Variants in ZFHX3 observed in about 807,000 individuals in gnomAD.
ZFHX3 encodes zinc finger homeobox 3.
Under a neutral mutation model 279.1 loss-of-function variants are expected in ZFHX3, and 42 were observed. That is an observed-to-expected ratio of 0.15 (90% CI 0.12 to 0.19). ZFHX3 has a LOEUF of 0.19. Ranked by LOEUF, ZFHX3 falls within the 10% of genes least tolerant of loss-of-function variation. The pLI is 1.00. For missense variants in ZFHX3, 4,981 were observed against 4,754.0 expected (o/e 1.05, Z -1.40); for synonymous variants, 2,293 against 1,957.8 (o/e 1.17, Z -4.52).
Position 72,958,726 on chromosome 16 carries a change from C to CTT in ZFHX3, c.1419_1420insAA (p.Glu474LysfsTer63). ...TCCTCCTCCTCTTCTTCCTCCTCCT[C>CTT]CTCCGCCTCTTCCTCCTCCTCTTCC... On this transcript the variant is annotated frameshift_variant, in exon 2 of 10. Transcript: ENST00000268489. LOFTEE classifies it high-confidence loss of function. The CTT allele has an allele frequency of 6.2e-7, 1 of 1,613,156 alleles. No homozygotes were observed. Among genetic ancestry groups the CTT allele is most frequent in the Non-Finnish European group, 8.5e-7 (1 of 1,179,402 alleles).
intron 3 of ZFHX3, among the ~76,000 whole-genome samples, chr16:73,347,053 AGGT>A (rs1259863312): frequency 6.6e-6 from 1 of 152,232 alleles, no homozygotes; most frequent in Non-Finnish European, 1.5e-5. Context: ...TGGAACTGCT[AGGT>A]GCCTGAACCC....
At chr16:73,391,973 GGCTAAA>G (rs2017022274) in intron 3 of ZFHX3, among the ~76,000 whole-genome samples, 1 of 152,144 alleles carries the variant, frequency 6.6e-6, no homozygotes, top group Non-Finnish European at 1.5e-5. Flanking sequence ...GGCTCAGCTA[GGCTAAA>G]TATTGATCTG....
At chr16:72,978,801 A>G (rs1962466263) in intron 1 of ZFHX3, among the ~76,000 whole-genome samples, 1 of 152,188 alleles carries the variant, frequency 6.6e-6, no homozygotes, top group African/African-American at 2.4e-5. Context: ...GCCACTATAC[A>G]ACAGTTGTAA....
intron 6 of ZFHX3, among the ~76,000 whole-genome samples, chr16:73,142,157 T>C (rs969641046): frequency 6.6e-6 from 1 of 152,190 alleles, no homozygotes; most frequent in Non-Finnish European, 1.5e-5. Context: ...CTCTGTTTCC[T>C]CTTAACCAGC....
intron 1 of ZFHX3, among the ~76,000 whole-genome samples, chr16:73,793,428 T>A (rs534289447): frequency 6.6e-6 from 1 of 152,266 alleles, no homozygotes; most frequent in Non-Finnish European, 1.5e-5. Flanking sequence ...AACATCATCA[T>A]TTCCAGGCTT....
At chr16:73,699,436 G>C (rs1037182768) in intron 1 of ZFHX3, among the ~76,000 whole-genome samples, 2 of 152,148 alleles carry the variant, frequency 1.3e-5, no homozygotes, top group South Asian at 4.1e-4. Flanking sequence ...CCAGTGGTGT[G>C]TGTTTCTCTA....
At chr16:73,230,084 T>G (rs554899162) in intron 5 of ZFHX3, among the ~76,000 whole-genome samples, 1 of 152,304 alleles carries the variant, frequency 6.6e-6, no homozygotes, top group Non-Finnish European at 1.5e-5. Context: ...TAGAAAGATA[T>G]TCATAGATCA....
chr16:73,338,477 G>A (rs1473566389), intron 3 of ZFHX3, among the ~76,000 whole-genome samples: 4 of 151,972 alleles, frequency 2.6e-5, no homozygotes, highest in Non-Finnish European at 5.9e-5. Flanking sequence ...CTGCAGCTTG[G>A]TTCAGCCACA....
intron 1 of ZFHX3, among the ~76,000 whole-genome samples, chr16:72,999,535 T>C (rs1260871304): frequency 6.6e-6 from 1 of 152,094 alleles, no homozygotes; most frequent in African/African-American, 2.4e-5. Flanking sequence ...AAGAAAAATG[T>C]CCACAGGGCA....
chr16:73,706,263 C>A (rs893486121), intron 1 of ZFHX3, among the ~76,000 whole-genome samples: 1 of 152,012 alleles, frequency 6.6e-6, no homozygotes, highest in East Asian at 1.9e-4. Context: ...GAGTTTGAGA[C>A]CAACCTGGCC....
intron 3 of ZFHX3, among the ~76,000 whole-genome samples, chr16:73,417,059 G>A (rs2017602974): frequency 6.6e-6 from 1 of 151,922 alleles, no homozygotes; most frequent in Admixed American, 6.6e-5. Context: ...CACGCACCCC[G>A]CATATAATAC....
intron 3 of ZFHX3, among the ~76,000 whole-genome samples, chr16:73,352,979 A>G (rs1567458529): frequency 6.6e-6 from 1 of 152,034 alleles, no homozygotes; most frequent in East Asian, 1.9e-4. Flanking sequence ...AGGGGTAGAG[A>G]GTTGCTGATG....
chr16:73,468,057 T>G (rs925218721), intron 2 of ZFHX3, among the ~76,000 whole-genome samples: 3 of 152,182 alleles, frequency 2.0e-5, no homozygotes, highest in Non-Finnish European at 4.4e-5. Context: ...GGTGCATCAG[T>G]TGGGATTAGA....
chr16:73,305,016 A>G lies in ZFHX3; in HGVS notation c.-1194+13224T>C, dbSNP rs115768534. Among the ~76,000 whole-genome samples, 1,157 of 152,270 alleles carry G rather than the reference A, an allele frequency of 7.6e-3. 14 individuals carry two copies. The highest frequency in any genetic ancestry group is 0.027 in the African/African-American group (1,110 of 41,540). Reference sequence around the variant, plus strand: ...AGCATTTCCCTGCACTTACTGTCAGATCTCTTTACCCCCTTGCCCCAGCAG... The same window carrying G: ...AGCATTTCCCTGCACTTACTGTCAGGTCTCTTTACCCCCTTGCCCCAGCAG... On this transcript the variant is annotated intron_variant, in intron 4 of 17. Coordinates refer to the ZFHX3 transcript ENST00000641206.
chr16:73,003,967 T>A, intron 1 of ZFHX3, among the ~76,000 whole-genome samples: 1 of 150,912 alleles, frequency 6.6e-6, no homozygotes, highest in Non-Finnish European at 1.5e-5. Flanking sequence ...TTCCACTTAG[T>A]TCAAAAAAAC....
At chr16:72,965,111 TCAGG>T (rs1246762392) in intron 1 of ZFHX3, among the ~76,000 whole-genome samples, 1 of 152,218 alleles carries the variant, frequency 6.6e-6, no homozygotes. Flanking sequence ...ACTCCTGAGC[TCAGG>T]CAATCTGCCC....
chr16:73,748,169 A>G (rs2053721278), intron 1 of ZFHX3, among the ~76,000 whole-genome samples: 1 of 152,232 alleles, frequency 6.6e-6, no homozygotes, highest in Non-Finnish European at 1.5e-5. Flanking sequence ...TGAAATGGAA[A>G]AAGATGAAAA....
chr16:73,036,877 G>A (rs948907446), intron 1 of ZFHX3, among the ~76,000 whole-genome samples: 11 of 152,132 alleles, frequency 7.2e-5, no homozygotes, highest in African/African-American at 2.2e-4. Flanking sequence ...GAGGTGAAGC[G>A]AAGAGTCTGA....
intron 1 of ZFHX3, among the ~76,000 whole-genome samples, chr16:73,842,859 C>T (rs1019522098): frequency 1.3e-5 from 2 of 152,126 alleles, no homozygotes; most frequent in African/African-American, 4.8e-5. Context: ...CATGCCCCAG[C>T]TCTTATGACC....
Sources: allele counts gnomAD v4.1 joint callset (sites outside exome capture counted in the v4.1 genomes callset), GRCh38; gene constraint gnomAD v4.1.1; transcripts MANE v1.5; gene names NCBI Gene and HGNC (gene_info 2026-07-23, HGNC 2026-07-21).